Variants in PDE7A observed in about 807,000 individuals in gnomAD.
PDE7A encodes high affinity 3',5'-cyclic-AMP phosphodiesterase 7A.
A neutral mutation model predicts 64.3 loss-of-function variants in PDE7A; 39 were observed. That is an observed-to-expected ratio of 0.61 (90% CI 0.47 to 0.79). The LOEUF is 0.79. Ranked by LOEUF, PDE7A falls within the 30% of genes least tolerant of loss-of-function variation. The pLI, the probability that PDE7A is intolerant of heterozygous loss-of-function variation, is 0.00. For synonymous variants in PDE7A, 203 were observed against 206.8 expected (o/e 0.98, Z 0.16); for missense variants, 470 against 582.8 (o/e 0.81, Z 1.99).
At chr8:65,779,538 A>G (rs1809350554) in intron 3 of PDE7A, among the ~76,000 whole-genome samples, 182 bp downstream of exon 3, 1 of 152,216 alleles carries the variant, frequency 6.6e-6, no homozygotes, top group South Asian at 2.1e-4. Context: ...TCCTCTTCTA[A>G]TTGTCTCTAA....
intron 12 of PDE7A, among the ~76,000 whole-genome samples, chr8:65,719,978 A>G (rs1806307015): frequency 6.6e-6 from 1 of 152,236 alleles, no homozygotes; most frequent in Admixed American, 6.5e-5. Flanking sequence ...ATGCCTGGTC[A>G]TGACTACAAT....
intron 1 of PDE7A, among the ~76,000 whole-genome samples, chr8:65,811,376 A>G (rs1224317625): frequency 2.6e-5 from 4 of 152,174 alleles, no homozygotes; most frequent in Admixed American, 1.3e-4. Flanking sequence ...GAACAAACAC[A>G]GCCCTCCAGG....
chr8:65,811,079 AGAG>A (rs1189499540), intron 1 of PDE7A, among the ~76,000 whole-genome samples: 1 of 152,218 alleles, frequency 6.6e-6, no homozygotes, highest in Non-Finnish European at 1.5e-5. Context: ...ATTGAAGGAT[AGAG>A]AAGACTGGAA....
intron 3 of PDE7A, among the ~76,000 whole-genome samples, chr8:65,758,630 G>A (rs1455442452): frequency 1.3e-5 from 2 of 152,170 alleles, no homozygotes; most frequent in Non-Finnish European, 2.9e-5. Context: ...TATGGACAGT[G>A]TTTCAATTGC....
At chr8:65,805,199 A>C (rs1332788528) in intron 1 of PDE7A, among the ~76,000 whole-genome samples, 2 of 152,202 alleles carry the variant, frequency 1.3e-5, no homozygotes, top group Non-Finnish European at 2.9e-5. Context: ...GATATAGTAC[A>C]AGCAGTTTAT....
intron 4 of PDE7A, among the ~76,000 whole-genome samples, chr8:65,747,450 T>C (rs1807726125): frequency 1.3e-5 from 2 of 152,206 alleles, no homozygotes; most frequent in South Asian, 2.1e-4. Context: ...GTCACTACTT[T>C]AGTTATTTCA....
Position 65,715,131 on chromosome 8 carries a change from C to T in PDE7A, c.*4159G>A, listed in dbSNP as rs1806080278. ...AGTCTCCCATGTAAAATAAATTTTG[C>T]ATTCTGTTCTGTAATATTTACTTGC... On this transcript the variant is annotated 3_prime_UTR_variant, in exon 13 of 13. Coordinates refer to ENST00000401827, the MANE Select transcript of PDE7A (RefSeq NM_001242318.3). Among the ~76,000 whole-genome samples, 1 of 152,088 alleles carries T rather than the reference C, an allele frequency of 6.6e-6. No individual in the cohort carries two copies. Among genetic ancestry groups the T allele is most frequent in the South Asian group, 2.1e-4 (1 of 4,816 alleles).
intron 3 of PDE7A, among the ~76,000 whole-genome samples, chr8:65,769,551 G>A (rs149612522): frequency 2.0e-4 from 31 of 152,166 alleles, no homozygotes; most frequent in Non-Finnish European, 3.8e-4. Context: ...GAACTCTCTC[G>A]GCTCTTTATA....
intron 1 of PDE7A, 152 bp from the exon 2 acceptor site, chr8:65,782,995 G>C: frequency 3.4e-6 from 2 of 592,640 alleles, no homozygotes; most frequent in Non-Finnish European, 6.0e-6. Context: ...ACCTGTTCTT[G>C]AAATCTCTGG....
intron 3 of PDE7A, among the ~76,000 whole-genome samples, chr8:65,752,287 T>C (rs1361210994): frequency 6.6e-6 from 1 of 152,202 alleles, no homozygotes; most frequent in African/African-American, 2.4e-5. Flanking sequence ...AGACCTTTTA[T>C]CTTAATTTCC....
chr8:65,747,639 A>C lies in PDE7A; in HGVS notation c.435+13T>G. The C allele has an allele frequency of 4.5e-6, 7 of 1,564,420 alleles. No individual in the cohort carries two copies. Among genetic ancestry groups the C allele is most frequent in the Non-Finnish European group, 6.1e-6 (7 of 1,149,310 alleles). On this transcript the variant is annotated intron_variant, in intron 4 of 12. Transcript: ENST00000401827. ...TCAAAAAATTAATGTTTTCTTAAAAAAACTATACACACCTTGGCTTGTCCA... is the reference window on the plus strand; with the variant it reads ...TCAAAAAATTAATGTTTTCTTAAAACAACTATACACACCTTGGCTTGTCCA...
intron 5 of PDE7A, among the ~76,000 whole-genome samples, chr8:65,742,589 A>G (rs563963304): frequency 6.6e-6 from 1 of 152,334 alleles, no homozygotes; most frequent in Non-Finnish European, 1.5e-5. Flanking sequence ...AGAAGGGAAA[A>G]CTATACACTT....
chr8:65,732,136 T>C lies in PDE7A; in HGVS notation c.696+2658A>G, dbSNP rs554020523. ...GTCTCAGCCTCCCAGGTAGCTGGGA[T>C]TACAGGCACCCGCCACCATGCCCAG... On this transcript the variant is annotated intron_variant, in intron 7 of 12. Transcript: ENST00000401827. Among the ~76,000 whole-genome samples, 5 of 152,052 alleles carry C rather than the reference T, an allele frequency of 3.3e-5. No individual in the cohort carries two copies. The South Asian group carries it at 6.2e-4, about 19-fold the overall frequency.
chr8:65,753,388 C>T (rs1187003116), intron 3 of PDE7A, among the ~76,000 whole-genome samples: 1 of 152,172 alleles, frequency 6.6e-6, no homozygotes, highest in Non-Finnish European at 1.5e-5. Context: ...TAGGATCATG[C>T]CTCTGCTATT....
intron 1 of PDE7A, among the ~76,000 whole-genome samples, chr8:65,834,394 C>T (rs1219758456): frequency 2.0e-5 from 3 of 152,110 alleles, no homozygotes; most frequent in African/African-American, 7.2e-5. Context: ...AGGCTTCTCA[C>T]CAAGAGTAGG....
intron 1 of PDE7A, among the ~76,000 whole-genome samples, chr8:65,831,052 A>C (rs879032329): frequency 2.0e-5 from 3 of 152,156 alleles, no homozygotes; most frequent in Admixed American, 6.5e-5. Flanking sequence ...GATTTGAACA[A>C]CACTACCAGA....
At position 65,719,381 on chromosome 8, in the gene PDE7A, C is replaced by A; in HGVS notation, c.1358G>T (p.Gly453Val). The change falls in exon 13 of 13, where the codon GGA becomes GTA. Residue 453 changes from glycine to valine, a missense_variant. By Grantham distance (109) the Gly-to-Val change is moderately radical. Coordinates refer to ENST00000401827, the MANE Select transcript of PDE7A (RefSeq NM_001242318.3). ...ACTGCTCGACTGTTCTCTCTGCAGTCCCTTCCAGCTGGCTTTATTCAGCCC... is the reference window on the plus strand; with the variant it reads ...ACTGCTCGACTGTTCTCTCTGCAGTACCTTCCAGCTGGCTTTATTCAGCCC... ...HVGLNKASWK[G>V]LQREQSSSED... 12 of 1,614,060 alleles carry A rather than the reference C, an allele frequency of 7.4e-6. No individual in the cohort carries two copies. The highest frequency in any genetic ancestry group is 1.0e-5 in the Non-Finnish European group (12 of 1,179,882).
intron 3 of PDE7A, among the ~76,000 whole-genome samples, chr8:65,755,616 G>A (rs543609561): frequency 6.6e-6 from 1 of 152,192 alleles, no homozygotes; most frequent in Admixed American, 6.5e-5. Flanking sequence ...ATTGTTACAT[G>A]CATTTGCCTT....
At chr8:65,723,499 T>C (rs376162891) in intron 12 of PDE7A, 42 bp downstream of exon 12, 3 of 1,393,356 alleles carry the variant, frequency 2.2e-6, no homozygotes, top group Non-Finnish European at 1.9e-6. Context: ...ATAAAAACAG[T>C]GGCATTTTTC....
Sources: allele counts gnomAD v4.1 joint callset (sites outside exome capture counted in the v4.1 genomes callset), GRCh38; gene constraint gnomAD v4.1.1; transcripts MANE v1.5; gene names NCBI Gene and HGNC (gene_info 2026-07-23, HGNC 2026-07-21).